Variants in CHD7 observed in about 807,000 individuals in gnomAD.
CHD7 encodes chromodomain helicase DNA binding protein 7.
In CHD7, 24 loss-of-function variants were observed where a neutral mutation model predicts 307.3. The ratio of observed to expected loss-of-function variants is 0.08; its 90% confidence interval spans 0.06 to 0.11. The LOEUF (loss-of-function observed/expected upper bound fraction) is 0.11. CHD7 is among the 10% of genes least tolerant of loss of function. The pLI, the probability that CHD7 is intolerant of heterozygous loss-of-function variation, is 1.00. For missense variants in CHD7, 3,106 were observed against 3,727.1 expected, an observed-to-expected ratio of 0.83 and a Z score of 4.34; for synonymous variants, 1,363 against 1,349.9, an observed-to-expected ratio of 1.01 and a Z score of -0.21.
chr8:60,811,838 T>C (rs1812823973), intron 7 of CHD7, among the ~76,000 whole-genome samples: 1 of 152,240 alleles, frequency 6.6e-6, no homozygotes, highest in African/African-American at 2.4e-5. Flanking sequence ...ACCTTTCTAA[T>C]ATAGTGTGCT....
At chr8:60,809,839 T>C (rs1043688889) in intron 7 of CHD7, among the ~76,000 whole-genome samples, 1 of 152,158 alleles carries the variant, frequency 6.6e-6, no homozygotes, top group Non-Finnish European at 1.5e-5. Flanking sequence ...AGAATTTCTG[T>C]TTTTCTTTTT....
chr8:60,692,454 C>T (rs933788535), intron 1 of CHD7, among the ~76,000 whole-genome samples: 1 of 152,160 alleles, frequency 6.6e-6, no homozygotes, highest in Non-Finnish European at 1.5e-5. Flanking sequence ...TGTTAAGCTA[C>T]AGTAACTATT....
intron 1 of CHD7, among the ~76,000 whole-genome samples, chr8:60,736,134 G>GA (rs945607084): frequency 6.6e-5 from 10 of 152,216 alleles, no homozygotes; most frequent in Non-Finnish European, 1.2e-4. Flanking sequence ...AGCAAATACG[G>GA]AAAATACTTT....
At chr8:60,798,758 A>G (rs1482789968) in intron 4 of CHD7, among the ~76,000 whole-genome samples, 1 of 152,322 alleles carries the variant, frequency 6.6e-6, no homozygotes, top group African/African-American at 2.4e-5. Flanking sequence ...TTGCAAACTC[A>G]TTCCATAGGT....
At chr8:60,851,379 C>A in intron 28 of CHD7, 60 bp downstream of exon 28, 2 of 1,272,038 alleles carry the variant, frequency 1.6e-6, no homozygotes, top group East Asian at 2.5e-5. Flanking sequence ...TCATTGTTCA[C>A]GTGGTAGGGA....
intron 1 of CHD7, among the ~76,000 whole-genome samples, chr8:60,740,031 T>A (rs549035435): frequency 5.1e-4 from 78 of 152,384 alleles, no homozygotes; most frequent in African/African-American, 1.8e-3. Flanking sequence ...AGGTCTTTAT[T>A]AGGCCGTTGA....
intron 2 of CHD7, among the ~76,000 whole-genome samples, chr8:60,761,225 A>T (rs1371560944): frequency 6.6e-6 from 1 of 151,216 alleles, no homozygotes; most frequent in Admixed American, 6.6e-5. Flanking sequence ...CATCATTCTC[A>T]GTAAACTATC....
At chr8:60,794,184 A>G (rs1204072020) in intron 3 of CHD7, among the ~76,000 whole-genome samples, 1 of 152,210 alleles carries the variant, frequency 6.6e-6, no homozygotes. Flanking sequence ...CGCTAAATGT[A>G]CATAAAGTCA....
chr8:60,781,707 A>G (rs1470930582), intron 3 of CHD7, among the ~76,000 whole-genome samples: 2 of 152,206 alleles, frequency 1.3e-5, no homozygotes, highest in East Asian at 3.8e-4. Flanking sequence ...TAGCAAATGG[A>G]ATGAAGTTAG....
chr8:60,712,749 T>C (rs979064756), intron 1 of CHD7, among the ~76,000 whole-genome samples: 3 of 151,980 alleles, frequency 2.0e-5, no homozygotes, highest in Non-Finnish European at 2.9e-5. Context: ...AAACCCCATC[T>C]CTACTAAAAA....
At chr8:60,837,036 T>A in intron 17 of CHD7, 24 bp downstream of exon 17, 1 of 1,571,136 alleles carries the variant, frequency 6.4e-7, no homozygotes, top group Non-Finnish European at 8.7e-7. Context: ...AAAGTCCTGA[T>A]GCCTTTAAAA....
chr8:60,768,854 C>G (rs1810587704), intron 2 of CHD7, among the ~76,000 whole-genome samples: 2 of 151,902 alleles, frequency 1.3e-5, no homozygotes, highest in African/African-American at 4.8e-5. Context: ...ACCTGCACTC[C>G]TTTGTTTGCA....
chr8:60,823,324 G>A (rs1804126253), intron 12 of CHD7, among the ~76,000 whole-genome samples: 2 of 152,162 alleles, frequency 1.3e-5, no homozygotes, highest in South Asian at 4.1e-4. Context: ...TACTAAAATA[G>A]TTTTATGTTA....
chr8:60,735,519 A>G (rs904219462), intron 1 of CHD7, among the ~76,000 whole-genome samples: 8 of 152,204 alleles, frequency 5.3e-5, no homozygotes, highest in African/African-American at 1.9e-4. Flanking sequence ...AATTGTGTAT[A>G]GTTGAGAATT....
chr8:60,695,790 C>T (rs1344630061), intron 1 of CHD7, among the ~76,000 whole-genome samples: 1 of 152,184 alleles, frequency 6.6e-6, no homozygotes, highest in African/African-American at 2.4e-5. Flanking sequence ...AAATGATATA[C>T]TTCTCCTCAT....
At chr8:60,767,205 G>A (rs926358551) in intron 2 of CHD7, among the ~76,000 whole-genome samples, 2 of 152,180 alleles carry the variant, frequency 1.3e-5, no homozygotes, top group Non-Finnish European at 1.5e-5. Context: ...GTTCAAGAAT[G>A]AATGAGAGGA....
chr8:60,866,042 TAGTGTAGC>T lies in CHD7; in HGVS notation c.*111_*118del. ...TAGTTTTATAAGCTGTTCTGTAACA[TAGTGTAGC>T]AAAAAAAAAAGTTCAAGTCATGTTA... is the stretch of plus-strand genomic sequence containing the variant. On this transcript the variant is annotated 3_prime_UTR_variant, in exon 38 of 38. Transcript: ENST00000423902. 1 of 1,036,680 alleles carries T rather than the reference TAGTGTAGC, an allele frequency of 9.6e-7. No homozygotes were observed. 64.2% of individuals were successfully genotyped at this position (1,036,680 alleles called of 1,614,324 possible).
intron 2 of CHD7, among the ~76,000 whole-genome samples, chr8:60,773,880 G>T (rs1188987605): frequency 6.6e-6 from 1 of 152,178 alleles, no homozygotes; most frequent in African/African-American, 2.4e-5. Context: ...TTGGGTAAAA[G>T]GTTAGTGATT....
At chr8:60,730,995 T>C (rs1274440602) in intron 1 of CHD7, among the ~76,000 whole-genome samples, 1 of 152,226 alleles carries the variant, frequency 6.6e-6, no homozygotes, top group Non-Finnish European at 1.5e-5. Flanking sequence ...ATTATTCCTC[T>C]GTCCAGCATA....
Sources: allele counts gnomAD v4.1 joint callset (sites outside exome capture counted in the v4.1 genomes callset), GRCh38; gene constraint gnomAD v4.1.1; transcripts MANE v1.5; gene names NCBI Gene and HGNC (gene_info 2026-07-23, HGNC 2026-07-21).